RAB3IL1: variants seen among roughly 807,000 people sequenced by gnomAD.
RAB3IL1 encodes the protein guanine nucleotide exchange factor for Rab-3A.
In RAB3IL1, 37 loss-of-function variants were observed where a neutral mutation model predicts 49.2. The observed-to-expected ratio is 0.75, with a 90% CI of 0.58 to 0.99. RAB3IL1 has a LOEUF of 0.99. Among genes scored for constraint, RAB3IL1 ranks in the 50% least tolerant of loss-of-function variants. The pLI is 0.00. For missense variants in RAB3IL1, 484 were observed against 513.0 expected (o/e 0.94, Z 0.55); for synonymous variants, 193 against 213.9 (o/e 0.90, Z 0.85).
At chr11:61,907,343 A>C (rs1939241649) in intron 4 of RAB3IL1, 50 bp downstream of exon 4, 1 of 1,587,894 alleles carries the variant, frequency 6.3e-7, no homozygotes, top group African/African-American at 1.3e-5. Flanking sequence ...CTGAGCCGGG[A>C]GGCAGGGGGG....
At chr11:61,945,636 C>T in the RAB3IL1 span, 1 of 492,882 alleles carries the variant, frequency 2.0e-6, no homozygotes, top group Non-Finnish European at 2.6e-6. Flanking sequence ...GAACCTTTGA[C>T]AGCATCCAGG....
At chr11:61,918,311 G>C (rs1028751268), upstream of RAB3IL1, among the ~76,000 whole-genome samples, 9 of 152,328 alleles carry the variant, frequency 5.9e-5, no homozygotes, top group Admixed American at 5.2e-4. Flanking sequence ...ACCAGTAAGA[G>C]CAGAACCCGT....
At chr11:61,917,205 G>A in intron 1 of RAB3IL1, 152 bp downstream of exon 1, 13 of 1,210,890 alleles carry the variant, frequency 1.1e-5, no homozygotes, top group Non-Finnish European at 1.3e-5. Context: ...GGAGTCTCCT[G>A]GCTGCAAGTC....
the RAB3IL1 span, among the ~76,000 whole-genome samples, chr11:61,928,862 G>A: frequency 0.48 from 72,457 of 152,094 alleles, 18,366 homozygotes; most frequent in Middle Eastern, 0.61. Context: ...TAGCCACTAT[G>A]AGTAAGAATC....
At chr11:61,935,318 G>A in the RAB3IL1 span, among the ~76,000 whole-genome samples, 1 of 151,564 alleles carries the variant, frequency 6.6e-6, no homozygotes, top group South Asian at 2.1e-4. Context: ...TACTTGGGAG[G>A]CTGAGGCAGG....
At chr11:61,941,961 A>G in the RAB3IL1 span, among the ~76,000 whole-genome samples, 1 of 152,302 alleles carries the variant, frequency 6.6e-6, no homozygotes, top group East Asian at 1.9e-4. Flanking sequence ...CTATAATCTT[A>G]GCACGTTGTG....
chr11:61,911,556 G>A (rs1185659452), intron 1 of RAB3IL1, among the ~76,000 whole-genome samples: 1 of 152,154 alleles, frequency 6.6e-6, no homozygotes, highest in African/African-American at 2.4e-5. Context: ...TCAGTCGTGG[G>A]GCAAGCAGGG....
chr11:61,914,840 A>G (rs1565367219), intron 1 of RAB3IL1, among the ~76,000 whole-genome samples: 1 of 152,136 alleles, frequency 6.6e-6, no homozygotes, highest in East Asian at 1.9e-4. Context: ...ACCAACTCCT[A>G]ATCCCAGCTC....
At chr11:61,929,100 A>G in the RAB3IL1 span, among the ~76,000 whole-genome samples, 1 of 152,388 alleles carries the variant, frequency 6.6e-6, no homozygotes, top group South Asian at 2.1e-4. Context: ...CATACAATGT[A>G]TAATGATCAA....
chr11:61,934,438 G>GTGTGTGTGTA, the RAB3IL1 span, among the ~76,000 whole-genome samples: 4 of 18,458 alleles, frequency 2.2e-4, no homozygotes, highest in Admixed American at 5.0e-4. Flanking sequence ...GTGTGTGTGT[G>GTGTGTGTGTA]TGTGTGTGTA....
the RAB3IL1 span, among the ~76,000 whole-genome samples, chr11:61,943,078 G>A: frequency 7.2e-5 from 11 of 152,168 alleles, no homozygotes; most frequent in Non-Finnish European, 1.2e-4. Flanking sequence ...CAAAGTTGGA[G>A]AACTTACACT....
chr11:61,904,454 T>C, intron 7 of RAB3IL1, 92 bp downstream of exon 7: 1 of 1,247,508 alleles, frequency 8.0e-7, no homozygotes, highest in Non-Finnish European at 1.1e-6. Flanking sequence ...CTGTCGGCGC[T>C]GCTGCATCCT....
At chr11:61,908,646 T>A (rs1939326519) in intron 1 of RAB3IL1, among the ~76,000 whole-genome samples, 1 of 152,172 alleles carries the variant, frequency 6.6e-6, no homozygotes, top group Non-Finnish European at 1.5e-5. Context: ...GAGTCCCACT[T>A]GTATTAAGTG....
chr11:61,945,634 G>T, the RAB3IL1 span: 1 of 477,214 alleles, frequency 2.1e-6, no homozygotes, highest in Non-Finnish European at 2.7e-6. Flanking sequence ...GTGAACCTTT[G>T]ACAGCATCCA....
the RAB3IL1 span, among the ~76,000 whole-genome samples, chr11:61,934,448 A>ATGTG: frequency 4.9e-5 from 1 of 20,390 alleles, no homozygotes; most frequent in East Asian, 9.0e-4. Context: ...GTGTGTGTGT[A>ATGTG]TGTATATATA....
chr11:61,904,707 G>T (rs994678475), intron 6 of RAB3IL1, 47 bp downstream of exon 6: 1 of 1,583,752 alleles, frequency 6.3e-7, no homozygotes, highest in African/African-American at 1.3e-5. Context: ...CTGGGCCCTG[G>T]CGGAGGGGTG....
intron 1 of RAB3IL1, among the ~76,000 whole-genome samples, chr11:61,913,490 C>T (rs570495513): frequency 6.6e-6 from 1 of 152,264 alleles, no homozygotes; most frequent in African/African-American, 2.4e-5. Context: ...GCAGGTGAGT[C>T]AGGCCACGCC....
chr11:61,934,444 G>GTGTA, the RAB3IL1 span, among the ~76,000 whole-genome samples: 4 of 83,668 alleles, frequency 4.8e-5, no homozygotes, highest in East Asian at 7.5e-4. Flanking sequence ...GTGTGTGTGT[G>GTGTA]TGTATGTATA....
At chr11:61,905,674 C>T (rs907604110) in intron 5 of RAB3IL1, among the ~76,000 whole-genome samples, 1 of 151,508 alleles carries the variant, frequency 6.6e-6, no homozygotes, top group Admixed American at 6.6e-5. Context: ...CTCGTCTTCC[C>T]TGGAGGCCCT....
Sources: allele counts gnomAD v4.1 joint callset (sites outside exome capture counted in the v4.1 genomes callset), GRCh38; gene constraint gnomAD v4.1.1; transcripts MANE v1.5; gene names NCBI Gene and HGNC (gene_info 2026-07-23, HGNC 2026-07-21).